HBS1L: variants seen among roughly 807,000 people sequenced by gnomAD.
The protein encoded by HBS1L is HBS1-like protein.
In HBS1L, 55 loss-of-function variants were observed where a neutral mutation model predicts 88.9. The observed-to-expected ratio is 0.62, with a 90% confidence interval of 0.50 to 0.77. HBS1L has a LOEUF of 0.77. Ranked by LOEUF, HBS1L falls within the 30% of genes least tolerant of loss-of-function variation. The pLI is 0.00. For synonymous variants in HBS1L, 267 were observed against 288.5 expected, an observed-to-expected ratio of 0.93 and a Z score of 0.76; for missense variants, 741 against 829.3, an observed-to-expected ratio of 0.89 and a Z score of 1.31.
At chr6:134,988,521 A>G (rs1775045088) in intron 8 of HBS1L, among the ~76,000 whole-genome samples, 2 of 152,148 alleles carry the variant, frequency 1.3e-5, no homozygotes. Flanking sequence ...GCTATTTGCT[A>G]AAGAAATATA....
chr6:134,963,365 T>G lies in HBS1L; in HGVS notation c.*1914A>C, dbSNP rs1774228932. 1 of 152,228 alleles carries G rather than the reference T, an allele frequency of 6.6e-6. No individual in the cohort carries two copies. Among genetic ancestry groups the G allele is most frequent in the African/African-American group, 2.4e-5 (1 of 41,446 alleles). The allele number at this position is 152,228 out of a possible 1,614,324, so 9.4% of individuals were successfully genotyped here. A position where few individuals can be genotyped will look rare whatever the true frequency, so the allele number is the denominator to read the frequency against. Reference sequence around the variant, plus strand: ...TTGCCCTGGATGGGAGATCTGAGGATGTAAGTGTGGAATTATCACATCTTG... The same window carrying G: ...TTGCCCTGGATGGGAGATCTGAGGAGGTAAGTGTGGAATTATCACATCTTG... On this transcript the variant is annotated 3_prime_UTR_variant, in exon 18 of 18. Coordinates refer to ENST00000367837, the MANE Select transcript of HBS1L (RefSeq NM_006620.4).
chr6:135,050,706 C>T, intron 1 of HBS1L, 59 bp from the exon 2 acceptor site: 1 of 1,074,852 alleles, frequency 9.3e-7, no homozygotes, highest in South Asian at 1.4e-5. Flanking sequence ...TTCTTAGTTA[C>T]TAGTGAGGAA....
At chr6:134,977,667 C>G (rs1306616836) in intron 15 of HBS1L, among the ~76,000 whole-genome samples, 2 of 151,702 alleles carry the variant, frequency 1.3e-5, no homozygotes, top group African/African-American at 4.8e-5. Context: ...ATAAATGACC[C>G]AAATAAATGT....
chr6:135,013,046 G>T (rs1407191737), intron 4 of HBS1L, among the ~76,000 whole-genome samples: 1 of 152,208 alleles, frequency 6.6e-6, no homozygotes, highest in Non-Finnish European at 1.5e-5. Flanking sequence ...TCACCAGCCA[G>T]TTAGGTTAGT....
Position 134,965,050 on chromosome 6 carries a change from T to C in HBS1L, c.*229A>G, listed in dbSNP as rs1774270626. 3 of 555,964 alleles carry C rather than the reference T, an allele frequency of 5.4e-6. No homozygotes were observed. The highest frequency in any genetic ancestry group is 9.5e-6 in the Non-Finnish European group (3 of 316,244). 34.4% of individuals were successfully genotyped at this position (555,964 alleles called of 1,614,324 possible). ...CAAAGTAAATCCATTTATTAACGTT[T>C]CAAAGGCAAAGTTGTTTTTAACATT... On this transcript the variant is annotated 3_prime_UTR_variant, in exon 18 of 18. Coordinates refer to ENST00000367837, the MANE Select transcript of HBS1L (RefSeq NM_006620.4).
At position 135,013,067 on chromosome 6, in the gene HBS1L, T is replaced by C. The variant is rs542728618; in HGVS notation, c.431-10225A>G. 5.9e-5 allele frequency among the ~76,000 whole-genome samples: 9 copies of C among 152,300 alleles called. No homozygotes were observed. In the South Asian group the frequency reaches 1.2e-3, roughly 21 times the overall value. ...GCCAGTTAGGTTAGTAGATAAGACA[T>C]AGACTCTGCTGCAACACAACCTGAG... On this transcript the variant is annotated intron_variant, in intron 4 of 17. Transcript: ENST00000367837.
intron 4 of HBS1L, among the ~76,000 whole-genome samples, chr6:135,022,021 C>T (rs1024478613): frequency 2.0e-5 from 3 of 152,100 alleles, no homozygotes; most frequent in African/African-American, 7.2e-5. Context: ...TCTATTAAAT[C>T]AGAGACCTAG....
Position 134,966,419 on chromosome 6 carries a change from T to C in HBS1L, c.1953A>G (p.Ile651Met). 1 of 1,612,654 alleles carries C rather than the reference T, an allele frequency of 6.2e-7. No individual in the cohort carries two copies. The highest frequency in any genetic ancestry group is 8.5e-7 in the Non-Finnish European group (1 of 1,179,066). Residue 651 changes from isoleucine (I) to methionine (M), a missense_variant, in exon 17 of 18, where the codon ATA becomes ATG. By Grantham distance (10) the Ile-to-Met change is conservative. Around this residue, in one of 3 missense-constraint regions of HBS1L, gnomAD observed 181 missense variants for 212.7 expected, o/e 0.85. Transcript: ENST00000367837. ...TAAAGTCTTTATATAGCTCAAGAGC[T>C]ATTGGTCTTTGTGTCTGTAGCTCTA... ...ALVELQTQRPIALELYKDFKE... is the reference protein window; with the variant it reads ...ALVELQTQRPMALELYKDFKE...
At chr6:134,978,641 T>A (rs2114766408) in intron 15 of HBS1L, 38 bp downstream of exon 15, 1 of 1,148,810 alleles carries the variant, frequency 8.7e-7, no homozygotes. Context: ...TACTTTGAAT[T>A]TATAAAAACA....
rs536234467 is a variant in HBS1L, at chr6:135,001,019, C to T, written c.539+1715G>A. Among the ~76,000 whole-genome samples, 15 of 152,286 alleles carry T rather than the reference C, an allele frequency of 9.8e-5. No homozygotes were observed. In the South Asian group the frequency reaches 1.0e-3, roughly 11 times the overall value. On this transcript the variant is annotated intron_variant, in intron 5 of 17. Coordinates refer to ENST00000367837, the MANE Select transcript of HBS1L (RefSeq NM_006620.4). ...CACTATTAAGCATTTCTGAGTATTT[C>T]GATCTATAACTACAGACCTTTCACA...
chr6:134,984,718 T>C (rs1263802512), intron 12 of HBS1L, among the ~76,000 whole-genome samples: 1 of 152,168 alleles, frequency 6.6e-6, no homozygotes, highest in African/African-American at 2.4e-5. Context: ...AAGTTAGATA[T>C]ATTCTTAGGT....
chr6:135,032,695 T>TAACC, intron 4 of HBS1L, among the ~76,000 whole-genome samples: 1 of 152,288 alleles, frequency 6.6e-6, no homozygotes, highest in East Asian at 1.9e-4. Flanking sequence ...TTCTTCTCTA[T>TAACC]AACCGTATTT....
chr6:135,039,496 AAAGCTC>A (rs1318496306), intron 4 of HBS1L, 71 bp downstream of exon 4: 1 of 1,181,970 alleles, frequency 8.5e-7, no homozygotes, highest in African/African-American at 1.5e-5. Flanking sequence ...TATTTTCTTA[AAAGCTC>A]AAGCAAACGA....
In HBS1L at chr6:135,007,181, CTT is replaced by C. The variant is rs143925657; in HGVS notation, c.431-4341_431-4340del. 4.7e-3 allele frequency among the ~76,000 whole-genome samples: 712 copies of C among 152,136 alleles called. 21 individuals are homozygous for C. In the East Asian group the frequency reaches 0.084, roughly 18 times the overall value. On this transcript the variant is annotated intron_variant, in intron 4 of 17. Transcript: ENST00000367837. Reference sequence around the variant, plus strand: ...TGGGGATGCAATAAATATCAGAATACTTTTTGATTTTTTTTCTATAGAACATC... The same window carrying C: ...TGGGGATGCAATAAATATCAGAATACTTTGATTTTTTTTCTATAGAACATC...
At chr6:135,011,004 G>A (rs1775757909) in intron 4 of HBS1L, among the ~76,000 whole-genome samples, 1 of 152,124 alleles carries the variant, frequency 6.6e-6, no homozygotes, top group Admixed American at 6.5e-5. Flanking sequence ...TACAAATTCA[G>A]TATATGCAGA....
At chr6:135,017,971 A>G (rs1248265323) in intron 4 of HBS1L, among the ~76,000 whole-genome samples, 1 of 144,908 alleles carries the variant, frequency 6.9e-6, no homozygotes, top group Non-Finnish European at 1.5e-5. Flanking sequence ...ATTCAAGCTT[A>G]TTTAAAAACA....
At chr6:135,026,488 T>G (rs1776230085) in intron 4 of HBS1L, among the ~76,000 whole-genome samples, 1 of 150,930 alleles carries the variant, frequency 6.6e-6, no homozygotes, top group Non-Finnish European at 1.5e-5. Context: ...AGACAACAAC[T>G]TTTTTTAAAA....
chr6:135,039,955 G>A lies in HBS1L; in HGVS notation c.236-188C>T, dbSNP rs191885803. On this transcript the variant is annotated intron_variant, in intron 3 of 17. Coordinates refer to ENST00000367837, the MANE Select transcript of HBS1L (RefSeq NM_006620.4). Reference sequence around the variant, plus strand: ...ACCTATCTTCCCTTATCCAAGGAACGATTTCGTTAATTTAAAAATCACTAT... The same window carrying A: ...ACCTATCTTCCCTTATCCAAGGAACAATTTCGTTAATTTAAAAATCACTAT... Among the ~76,000 whole-genome samples the A allele has an allele frequency of 8.5e-5, 13 of 152,190 alleles. 1 individual carries two copies. In the East Asian group the frequency reaches 1.9e-3, roughly 23 times the overall value.
At chr6:134,990,955 T>C (rs12110789) in intron 8 of HBS1L, among the ~76,000 whole-genome samples, 1,658 of 152,184 alleles carry the variant, frequency 0.011, 22 homozygotes, top group Middle Eastern at 0.017. Context: ...CATTAAACTA[T>C]CAGTGCTTTG....
Sources: allele counts gnomAD v4.1 joint callset (sites outside exome capture counted in the v4.1 genomes callset), GRCh38; gene constraint gnomAD v4.1.1; regional missense constraint gnomAD v4.1.1; transcripts MANE v1.5; gene names NCBI Gene and HGNC (gene_info 2026-07-23, HGNC 2026-07-21).